PCDH11X: variants seen among roughly 807,000 people sequenced by gnomAD.
PCDH11X encodes the protein protocadherin 11 X-linked.
A neutral mutation model predicts 53.3 loss-of-function variants in PCDH11X; 18 were observed. The observed-to-expected ratio is 0.34, with a 90% CI of 0.23 to 0.50. The LOEUF (loss-of-function observed/expected upper bound fraction) is 0.50, where lower values mean the gene tolerates loss of function less well. PCDH11X is among the 20% of genes least tolerant of loss of function. The probability of loss-of-function intolerance (pLI) is 0.98; values close to 1 mark genes in which losing one functional copy is unlikely to be tolerated. For missense variants in PCDH11X, 570 were observed against 1,032.4 expected (o/e 0.55, Z 6.14); for synonymous variants, 279 against 393.3 (o/e 0.71, Z 3.44).
At chrX:91,794,961 T>C in intron 1 of PCDH11X, among the ~76,000 whole-genome samples, 1 of 108,679 alleles carries the variant, frequency 9.2e-6, no homozygotes, top group Admixed American at 1.0e-4. Context: ...CACAACCTCT[T>C]TCTTTGCCTG....
intron 10 of PCDH11X, among the ~76,000 whole-genome samples, chrX:92,509,242 C>T (rs2074120405): frequency 9.1e-6 from 1 of 110,218 alleles, no homozygotes; most frequent in Non-Finnish European, 1.9e-5. Context: ...TGCTTCTTAG[C>T]TCAAATGATG....
At chrX:91,865,237 C>T (rs987095446) in intron 5 of PCDH11X, among the ~76,000 whole-genome samples, 1 of 107,026 alleles carries the variant, frequency 9.3e-6, no homozygotes, top group Admixed American at 1.0e-4. Context: ...CACTCCAAGC[C>T]CACTAACACT....
intron 4 of PCDH11X, among the ~76,000 whole-genome samples, chrX:91,819,835 C>A (rs1287442557): frequency 1.0e-4 from 9 of 89,457 alleles, no homozygotes; most frequent in Admixed American, 6.5e-4. Context: ...CCCAACCCCA[C>A]AACAGTCCCC....
At chrX:92,554,025 T>C (rs2075007340) in intron 10 of PCDH11X, among the ~76,000 whole-genome samples, 1 of 109,646 alleles carries the variant, frequency 9.1e-6, no homozygotes, top group Non-Finnish European at 1.9e-5. Context: ...TCTTCACTGT[T>C]AATCAACCAA....
At chrX:92,037,681 A>G (rs942429630) in intron 6 of PCDH11X, among the ~76,000 whole-genome samples, 6 of 110,656 alleles carry the variant, frequency 5.4e-5, no homozygotes, top group African/African-American at 9.9e-5. Flanking sequence ...AAGCATTCCT[A>G]TTTGTTCACA....
intron 8 of PCDH11X, among the ~76,000 whole-genome samples, chrX:92,327,772 T>A (rs2069372227): frequency 9.7e-6 from 1 of 102,663 alleles, no homozygotes; most frequent in Non-Finnish European, 2.0e-5. Context: ...AAAGATGTTT[T>A]CTTTTGAGCA....
At chrX:92,214,712 A>C (rs1238860601) in intron 7 of PCDH11X, among the ~76,000 whole-genome samples, 1 of 110,842 alleles carries the variant, frequency 9.0e-6, no homozygotes. Context: ...CCAAACTAGC[A>C]CGTTAAATTC....
At chrX:92,411,881 GAAA>G (rs1187129842) in intron 9 of PCDH11X, among the ~76,000 whole-genome samples, 2 of 71,043 alleles carry the variant, frequency 2.8e-5, no homozygotes, top group African/African-American at 7.4e-5. Context: ...AGAAGAAGAA[GAAA>G]AAGAAGAAGA....
intron 4 of PCDH11X, among the ~76,000 whole-genome samples, chrX:91,825,029 T>C (rs1000852998): frequency 3.6e-5 from 4 of 110,934 alleles, no homozygotes; most frequent in Admixed American, 9.5e-5. Context: ...GCAGTCTGCG[T>C]GTTCTCAGAT....
At chrX:92,317,616 T>C (rs1390182903) in intron 8 of PCDH11X, among the ~76,000 whole-genome samples, 1 of 111,476 alleles carries the variant, frequency 9.0e-6, no homozygotes, top group Non-Finnish European at 1.9e-5. Flanking sequence ...ATAGCATATT[T>C]TGAACCAAGA....
chrX:92,134,275 T>TG (rs1437855730), intron 6 of PCDH11X, among the ~76,000 whole-genome samples: 2 of 110,959 alleles, frequency 1.8e-5, no homozygotes, highest in East Asian at 5.7e-4. Flanking sequence ...ATGTCGTTTT[T>TG]TTTGTTTGTT....
intron 1 of PCDH11X, among the ~76,000 whole-genome samples, chrX:91,805,671 T>TAAA (rs1556186635): frequency 1.5e-4 from 16 of 105,858 alleles, no homozygotes; most frequent in African/African-American, 5.0e-4. Context: ...TTTTTTTTTT[T>TAAA]AAATTAGCTC....
At chrX:92,344,383 G>A (rs1401614768) in intron 8 of PCDH11X, among the ~76,000 whole-genome samples, 7 of 104,909 alleles carry the variant, frequency 6.7e-5, no homozygotes, top group Admixed American at 2.1e-4. Flanking sequence ...ATTTTATCAA[G>A]GTCAGGTAGT....
At chrX:92,283,677 T>C (rs2068297423) in intron 8 of PCDH11X, among the ~76,000 whole-genome samples, 1 of 111,862 alleles carries the variant, frequency 8.9e-6, no homozygotes, top group Admixed American at 9.5e-5. Flanking sequence ...TTGCGTATAG[T>C]GCCATATGAA....
At chrX:92,367,575 AG>A (rs1390089460) in intron 8 of PCDH11X, among the ~76,000 whole-genome samples, 1 of 111,381 alleles carries the variant, frequency 9.0e-6, no homozygotes, top group East Asian at 2.8e-4. Flanking sequence ...TAGTTGATGC[AG>A]TTTCTCCATA....
intron 6 of PCDH11X, among the ~76,000 whole-genome samples, chrX:91,956,143 G>A (rs1406910824): frequency 9.0e-6 from 1 of 111,068 alleles, no homozygotes; most frequent in Non-Finnish European, 1.9e-5. Flanking sequence ...GAGCCTATGT[G>A]TGTCTTTGCA....
chrX:92,540,724 T>A (rs1463938243), intron 10 of PCDH11X, among the ~76,000 whole-genome samples: 1 of 107,395 alleles, frequency 9.3e-6, no homozygotes, highest in Non-Finnish European at 1.9e-5. Context: ...TCCCTGACTA[T>A]CACTCCTTAC....
intron 10 of PCDH11X, among the ~76,000 whole-genome samples, chrX:92,484,123 ATATATG>A (rs2073568280): frequency 6.0e-5 from 5 of 83,568 alleles, no homozygotes; most frequent in Non-Finnish European, 1.1e-4. Flanking sequence ...TATATAGTAT[ATATATG>A]TATATATGTA....
chrX:92,619,894 TAG>T lies in PCDH11X; in HGVS notation c.*958_*959del, dbSNP rs1928361966. ...ATATCGACGGTAAACTACTATTTTG[TAG>T]AGAAACTCAGGAAGATTTAAATGTT... is the stretch of plus-strand genomic sequence containing the variant. On this transcript the variant is annotated 3_prime_UTR_variant, in exon 11 of 11. Transcript: ENST00000682573. 2 of 107,848 alleles carry T rather than the reference TAG, an allele frequency of 1.9e-5. No individual in the cohort carries two copies. Among genetic ancestry groups the T allele is most frequent in the African/African-American group, 6.8e-5 (2 of 29,571 alleles). 8.9% of individuals were successfully genotyped at this position (107,848 alleles called of 1,213,427 possible).
Sources: gnomAD v4.1 joint callset for allele counts (sites outside exome capture counted in the v4.1 genomes callset) on GRCh38, gnomAD v4.1.1 for gene constraint, MANE v1.5 for transcripts, NCBI Gene and HGNC (gene_info 2026-07-23, HGNC 2026-07-21) for gene names.